The following MYOF variants were observed in gnomAD, a reference collection of about 807,000 sequenced individuals.
MYOF encodes the protein myoferlin.
In MYOF, 244 loss-of-function variants were observed where a neutral mutation model predicts 284.2. That is an observed-to-expected ratio of 0.86 (90% confidence interval 0.77 to 0.95). The LOEUF (loss-of-function observed/expected upper bound fraction) is 0.95. MYOF is among the 40% of genes least tolerant of loss of function. The pLI, the probability that MYOF is intolerant of heterozygous loss-of-function variation, is 0.00. For missense variants in MYOF, 2,496 were observed against 2,560.6 expected (o/e 0.97, Z 0.54); for synonymous variants, 904 against 919.7 (o/e 0.98, Z 0.31).
chr10:93,442,041 C>CACAGAGAGAG (rs57700900), intron 3 of MYOF, among the ~76,000 whole-genome samples: 7 of 142,628 alleles, frequency 4.9e-5, no homozygotes, highest in Non-Finnish European at 9.2e-5. Flanking sequence ...CACACACACA[C>CACAGAGAGAG]AGAATAAACC....
Position 93,409,680 on chromosome 10 carries a change from C to T in MYOF, c.493G>A (p.Gly165Arg), listed in dbSNP as rs1015140773. Residue 165 changes from glycine to arginine, a missense_variant, in exon 6 of 54, where the codon GGG (glycine) becomes AGG (arginine). By Grantham distance (125) the Gly-to-Arg change is moderately radical (BLOSUM62 -2). This residue lies in a region of MYOF where 2,436 missense variants were observed against 2,480.7 expected (regional missense o/e 0.98). Transcript: ENST00000359263. ...ACCGTCCCAACTGGCCCCTTGGGCC[C>T]AGGGCCCCTGACTGCATTGTCCAAC... ...DRLDNAVRGP[G>R]PKGPVGTVSE... 15 of 1,614,124 alleles carry T rather than the reference C, an allele frequency of 9.3e-6. No homozygotes were observed. Among genetic ancestry groups the T allele is most frequent in the African/African-American group, 1.3e-5 (1 of 74,946 alleles).
chr10:93,465,538 C>CTTTTTTTTTTTTT lies in MYOF; in HGVS notation c.89-8614_89-8602dup. On this transcript the variant is annotated intron_variant, in intron 1 of 53. Transcript: ENST00000359263. ...CTTTTTTCTTTCTTTTTTTTCTTTTCTTTTTTTTTTTTTTTGAGATGACTG... is the reference window on the plus strand; with the variant it reads ...CTTTTTTCTTTCTTTTTTTTCTTTTCTTTTTTTTTTTTTTTTTTTTTTTTTTTTGAGATGACTG... 1.5e-3 allele frequency among the ~76,000 whole-genome samples: 167 copies of CTTTTTTTTTTTTT among 112,140 alleles called. 6 individuals are homozygous for CTTTTTTTTTTTTT. Among genetic ancestry groups the CTTTTTTTTTTTTT allele is most frequent in the African/African-American group, 4.2e-3 (126 of 29,972 alleles). 73.6% of individuals were successfully genotyped at this position (112,140 alleles called of 152,430 possible).
chr10:93,399,165 C>T (rs1340815823), intron 13 of MYOF, among the ~76,000 whole-genome samples: 2 of 152,184 alleles, frequency 1.3e-5, no homozygotes, highest in East Asian at 3.9e-4. Context: ...ATTTTAATCT[C>T]TCAAAAGATT....
intron 5 of MYOF, among the ~76,000 whole-genome samples, chr10:93,416,499 G>A (rs530011295): frequency 4.6e-4 from 70 of 151,904 alleles, no homozygotes; most frequent in African/African-American, 1.6e-3. Context: ...CTCCAGCCTC[G>A]GCAACAGAGC....
chr10:93,330,130 G>A (rs1183980993), intron 43 of MYOF, among the ~76,000 whole-genome samples: 1 of 152,186 alleles, frequency 6.6e-6, no homozygotes, highest in African/African-American at 2.4e-5. Context: ...ACTTCTCTGT[G>A]CTAAGTTTTC....
chr10:93,422,069 C>A (rs946581759), intron 5 of MYOF, among the ~76,000 whole-genome samples: 4 of 151,946 alleles, frequency 2.6e-5, no homozygotes, highest in African/African-American at 9.7e-5. Flanking sequence ...GATCAAAGAG[C>A]CCGGTTTATT....
intron 5 of MYOF, chr10:93,425,661 T>C (rs546215746): frequency 1.2e-4 from 22 of 191,220 alleles, no homozygotes; most frequent in African/African-American, 4.7e-4. Context: ...AGACTGGTGC[T>C]GAGAGCAGAG....
intron 1 of MYOF, among the ~76,000 whole-genome samples, chr10:93,457,912 T>C (rs935141858): frequency 7.2e-6 from 1 of 139,070 alleles, no homozygotes; most frequent in Non-Finnish European, 1.7e-5. Context: ...TTTCTATGTT[T>C]TTTTTTTTTT....
chr10:93,341,675 G>T (rs71480863), intron 38 of MYOF, among the ~76,000 whole-genome samples: 1,839 of 152,304 alleles, frequency 0.012, 19 homozygotes, highest in Non-Finnish European at 0.02. Flanking sequence ...ATGTGGAAAG[G>T]TTATGGAAGC....
chr10:93,312,352 TTTA>T (rs1280335922), intron 51 of MYOF, among the ~76,000 whole-genome samples: 2 of 10,564 alleles, frequency 1.9e-4, no homozygotes, highest in East Asian at 8.8e-3. Flanking sequence ...TTTTTTCTTT[TTTA>T]TTTTTTTTGA....
At chr10:93,467,437 G>C (rs1394502799) in intron 1 of MYOF, among the ~76,000 whole-genome samples, 4 of 149,216 alleles carry the variant, frequency 2.7e-5, no homozygotes, top group South Asian at 2.1e-4. Context: ...TTGTCCTTGC[G>C]ATAGTTTGCT....
intron 43 of MYOF, 70 bp downstream of exon 43, chr10:93,333,151 C>A (rs949525419): frequency 3.2e-6 from 4 of 1,255,266 alleles, no homozygotes; most frequent in African/African-American, 3.0e-5. Context: ...GGGTTGGACA[C>A]ATATTAGAGT....
rs181159669 is a variant in MYOF at position 93,470,132 on chromosome 10, G to T, written c.88+11975C>A. Reference sequence around the variant, plus strand: ...AAATCCCAGCTACTTGGGAGGCTGAGGTAGGAGAATCGCTTGACCCCAGGA... The same window carrying T: ...AAATCCCAGCTACTTGGGAGGCTGATGTAGGAGAATCGCTTGACCCCAGGA... On this transcript the variant is annotated intron_variant, in intron 1 of 53. Transcript: ENST00000359263. Among the ~76,000 whole-genome samples the T allele has an allele frequency of 4.5e-3, 685 of 151,438 alleles. 1 individual carries two copies. Among genetic ancestry groups the T allele is most frequent in the Non-Finnish European group, 7.7e-3 (524 of 67,892 alleles).
At chr10:93,406,043 C>T (rs4489668) in intron 7 of MYOF, among the ~76,000 whole-genome samples, 14,448 of 151,044 alleles carry the variant, frequency 0.096, 1,156 homozygotes, top group African/African-American at 0.22. Context: ...CTGCAACCTC[C>T]GCCTCCCAGG....
chr10:93,453,710 T>G (rs2056659019), intron 2 of MYOF, among the ~76,000 whole-genome samples: 1 of 152,030 alleles, frequency 6.6e-6, no homozygotes, highest in Non-Finnish European at 1.5e-5. Flanking sequence ...ACAACTTAGA[T>G]TCTGTCTCTG....
At chr10:93,354,285 C>T (rs926262682) in intron 31 of MYOF, among the ~76,000 whole-genome samples, 2 of 151,982 alleles carry the variant, frequency 1.3e-5, no homozygotes, top group Non-Finnish European at 2.9e-5. Flanking sequence ...GGCTGAGGCA[C>T]GAGAATCACT....
intron 3 of MYOF, among the ~76,000 whole-genome samples, chr10:93,435,291 A>G (rs1849067847): frequency 6.6e-6 from 1 of 152,214 alleles, no homozygotes; most frequent in African/African-American, 2.4e-5. Context: ...AAGTAGAAAG[A>G]GGGCCAGCCT....
Position 93,361,584 on chromosome 10 carries a change from A to C in MYOF, c.2869-27T>G, listed in dbSNP as rs373226157. 1.3e-4 allele frequency: 210 copies of C among 1,611,462 alleles called. No individual in the cohort carries two copies. In the African/African-American group the frequency reaches 2.6e-3, roughly 20 times the overall value. ...TTACAAAACAAAAATAAAAACAAAG[A>C]AGAGAGGTAAGCCATAGTGTCAGTA... On this transcript the variant is annotated intron_variant, in intron 27 of 53. Coordinates refer to ENST00000359263, the MANE Select transcript of MYOF (RefSeq NM_013451.4).
intron 3 of MYOF, among the ~76,000 whole-genome samples, chr10:93,433,054 G>A (rs750382519): frequency 1.3e-5 from 2 of 152,184 alleles, no homozygotes; most frequent in Non-Finnish European, 2.9e-5. Context: ...TAGGTAAAGC[G>A]AGGAAGTTCC....
Sources: gnomAD v4.1 joint callset for allele counts (sites outside exome capture counted in the v4.1 genomes callset) on GRCh38, gnomAD v4.1.1 for gene constraint, gnomAD v4.1.1 regional missense constraint, MANE v1.5 for transcripts, NCBI Gene and HGNC (gene_info 2026-07-23, HGNC 2026-07-21) for gene names.